PRKD1: variants seen among roughly 807,000 people sequenced by gnomAD.
PRKD1 encodes the protein protein kinase D1, also known as serine/threonine-protein kinase D1.
In PRKD1, 63 loss-of-function variants were observed where a neutral mutation model predicts 95.9. The ratio of observed to expected loss-of-function variants is 0.66; its 90% CI spans 0.54 to 0.81. The LOEUF is 0.81. Ranked by LOEUF, PRKD1 falls within the 30% of genes least tolerant of loss-of-function variation. The pLI is 0.00. For synonymous variants in PRKD1, 425 were observed against 423.1 expected, an observed-to-expected ratio of 1.00 and a Z score of -0.05; for missense variants, 1,048 against 1,165.3, an observed-to-expected ratio of 0.90 and a Z score of 1.47.
intron 1 of PRKD1, among the ~76,000 whole-genome samples, chr14:29,812,300 AC>A (rs1306440474): frequency 6.6e-6 from 1 of 152,226 alleles, no homozygotes; most frequent in Non-Finnish European, 1.5e-5. Context: ...TAGCAAAATT[AC>A]CTATACCTAG....
chr14:29,731,176 T>C (rs2139409131), intron 1 of PRKD1, among the ~76,000 whole-genome samples: 1 of 152,292 alleles, frequency 6.6e-6, no homozygotes, highest in Admixed American at 6.5e-5. Flanking sequence ...GTAGTCTAAA[T>C]TCCCTTGTGA....
intron 1 of PRKD1, among the ~76,000 whole-genome samples, chr14:29,849,579 A>ACAACAAC (rs3066193): frequency 1.2e-4 from 18 of 150,034 alleles, no homozygotes; most frequent in East Asian, 3.9e-4. Context: ...AACAACAACA[A>ACAACAAC]AAAAAAAACT....
intron 1 of PRKD1, among the ~76,000 whole-genome samples, chr14:29,795,060 T>C (rs1241465432): frequency 2.0e-5 from 3 of 152,124 alleles, no homozygotes; most frequent in Admixed American, 6.6e-5. Context: ...GTGTTTTCAT[T>C]TATACCAGCA....
chr14:29,716,385 A>G (rs547677901), intron 2 of PRKD1, among the ~76,000 whole-genome samples: 1 of 152,260 alleles, frequency 6.6e-6, no homozygotes, highest in South Asian at 2.1e-4. Flanking sequence ...CACATGACTC[A>G]ACTTTTTCTG....
intron 1 of PRKD1, among the ~76,000 whole-genome samples, chr14:29,778,266 A>C (rs1365577092): frequency 6.6e-6 from 1 of 152,206 alleles, no homozygotes; most frequent in Non-Finnish European, 1.5e-5. Flanking sequence ...AGCTAGCAGA[A>C]GGCAAGAAAT....
intron 2 of PRKD1, among the ~76,000 whole-genome samples, chr14:29,688,178 T>C (rs989474983): frequency 7.2e-5 from 11 of 152,186 alleles, no homozygotes; most frequent in Non-Finnish European, 1.6e-4. Flanking sequence ...GGCCAATCCC[T>C]TTCACCCTAT....
chr14:29,651,622 CATT>C (rs1881503627), intron 4 of PRKD1, among the ~76,000 whole-genome samples: 1 of 151,298 alleles, frequency 6.6e-6, no homozygotes, highest in Admixed American at 6.6e-5. Flanking sequence ...CTCTCCTTCT[CATT>C]ATTATTTCTT....
Position 29,666,185 on chromosome 14 carries a change from G to A in PRKD1, c.427C>T (p.Gln143Ter). The A allele has an allele frequency of 6.3e-7, 1 of 1,598,004 alleles. No homozygotes were observed. Among genetic ancestry groups the A allele is most frequent in the Non-Finnish European group, 8.6e-7 (1 of 1,168,870 alleles). The change falls in exon 3 of 18, where the codon CAG becomes TAG. Residue 143 changes from glutamine (Q) to a stop codon, truncating the protein, a stop_gained. Transcript: ENST00000331968. LOFTEE classifies it high-confidence loss of function. ...ACAAAGAGAGCGTGGGGACGAATCTGAAAGTCTTCAAAGGTGGCGGAAGCT... is the reference window on the plus strand; with the variant it reads ...ACAAAGAGAGCGTGGGGACGAATCTAAAAGTCTTCAAAGGTGGCGGAAGCT... ...LSASATFEDFQIRPHALFVHS... is the reference protein window; with the variant it reads ...LSASATFEDF
Position 29,653,676 on chromosome 14 carries a change from C to G in PRKD1, c.696+10023G>C, listed in dbSNP as rs115029285. Among the ~76,000 whole-genome samples, 1,355 of 151,954 alleles carry G rather than the reference C, an allele frequency of 8.9e-3. 22 individuals carry two copies. Among genetic ancestry groups the G allele is most frequent in the African/African-American group, 0.031 (1,292 of 41,422 alleles). Reference sequence around the variant, plus strand: ...AACATGTCTCTATATGGTTAAGTCTCTATACAGTAAGAGAATGAATGAAAA... The same window carrying G: ...AACATGTCTCTATATGGTTAAGTCTGTATACAGTAAGAGAATGAATGAAAA... On this transcript the variant is annotated intron_variant, in intron 4 of 17. Transcript: ENST00000331968.
intron 2 of PRKD1, among the ~76,000 whole-genome samples, chr14:29,708,391 A>G (rs1885185107): frequency 6.6e-6 from 1 of 152,216 alleles, no homozygotes; most frequent in African/African-American, 2.4e-5. Context: ...CATTTTAGTG[A>G]CTGAATAGGT....
intron 1 of PRKD1, among the ~76,000 whole-genome samples, chr14:29,871,541 T>C (rs987218006): frequency 1.2e-4 from 18 of 152,222 alleles, no homozygotes; most frequent in Non-Finnish European, 2.4e-4. Context: ...GCCCTCTCTG[T>C]GTTTCAGCTT....
chr14:29,604,786 A>T (rs1285013864), intron 13 of PRKD1, among the ~76,000 whole-genome samples: 3 of 152,206 alleles, frequency 2.0e-5, no homozygotes, highest in Admixed American at 6.5e-5. Flanking sequence ...ACAGACAATT[A>T]TAAAAGTATT....
At chr14:29,840,653 C>T (rs190622794) in intron 1 of PRKD1, among the ~76,000 whole-genome samples, 2 of 152,282 alleles carry the variant, frequency 1.3e-5, no homozygotes, top group East Asian at 1.9e-4. Flanking sequence ...CTTACAGTTC[C>T]ACATGGCTGG....
chr14:29,638,642 G>A (rs1880540850), intron 5 of PRKD1, 52 bp downstream of exon 5: 2 of 1,611,396 alleles, frequency 1.2e-6, no homozygotes, highest in South Asian at 1.1e-5. Flanking sequence ...AAATACTTAT[G>A]TCAGATGAAT....
chr14:29,807,392 CT>C (rs201547348), intron 1 of PRKD1, among the ~76,000 whole-genome samples: 44 of 151,344 alleles, frequency 2.9e-4, no homozygotes, highest in Non-Finnish European at 3.8e-4. Context: ...GCAATTTCCT[CT>C]TTTTTTAAAA....
intron 2 of PRKD1, among the ~76,000 whole-genome samples, chr14:29,694,650 A>G (rs1439073737): frequency 1.3e-5 from 2 of 152,184 alleles, no homozygotes; most frequent in African/African-American, 4.8e-5. Context: ...TTAGGTAGTG[A>G]TAAGTATGAG....
In PRKD1 at chr14:29,624,249, C is replaced by A; in HGVS notation, c.1808G>T (p.Arg603Leu). 1 of 1,592,630 alleles carries A rather than the reference C, an allele frequency of 6.3e-7. No homozygotes were observed. Among genetic ancestry groups the A allele is most frequent in the South Asian group, 1.1e-5 (1 of 87,134 alleles). ...QFGIVYGGKH[R>L]KTGRDVAIKI... is the part of the protein sequence containing the mutation. ...AATAGCTACATCTCTTCCTGTTTTA[C>A]GATGTTTTCCTTTAAAATGAAAAAG... Residue 603 changes from arginine to leucine, a missense_variant, in exon 13 of 18, where the codon CGT becomes CTT. Coordinates refer to ENST00000331968, the MANE Select transcript of PRKD1 (RefSeq NM_002742.3).
chr14:29,800,218 A>G (rs955467662), intron 1 of PRKD1, among the ~76,000 whole-genome samples: 1 of 152,202 alleles, frequency 6.6e-6, no homozygotes, highest in Non-Finnish European at 1.5e-5. Flanking sequence ...ATGGTTCAGT[A>G]TTTGCTAACT....
At chr14:29,732,856 A>C (rs1046490932) in intron 1 of PRKD1, among the ~76,000 whole-genome samples, 1 of 148,550 alleles carries the variant, frequency 6.7e-6, no homozygotes, top group Admixed American at 6.7e-5. Context: ...TAATTATTTT[A>C]CAGTTTTAAT....
Sources: allele counts gnomAD v4.1 joint callset (sites outside exome capture counted in the v4.1 genomes callset), GRCh38; gene constraint gnomAD v4.1.1; transcripts MANE v1.5; gene names NCBI Gene and HGNC (gene_info 2026-07-23, HGNC 2026-07-21).